DGCR6L: variants seen among roughly 807,000 people sequenced by gnomAD.
The protein encoded by DGCR6L is protein DGCR6L.
DGCR6L carries 24 observed loss-of-function variants against 31.1 expected under a neutral mutation model. The observed-to-expected ratio is 0.77, with a 90% CI of 0.56 to 1.08. The LOEUF (loss-of-function observed/expected upper bound fraction) is 1.08, where lower values mean the gene tolerates loss of function less well. DGCR6L is among the 50% of genes least tolerant of loss of function. The pLI, the probability that DGCR6L is intolerant of heterozygous loss-of-function variation, is 0.00. For synonymous variants in DGCR6L, 104 were observed against 126.1 expected, an observed-to-expected ratio of 0.82 and a Z score of 1.17; for missense variants, 218 against 287.1, an observed-to-expected ratio of 0.76 and a Z score of 1.74.
chr22:20,318,567 A>G (rs921653036), intron 2 of DGCR6L: 1 of 152,222 alleles, frequency 6.6e-6, no homozygotes, highest in African/African-American at 2.4e-5. Context: ...TTACTTATAA[A>G]GCAACAATTT....
intron 3 of DGCR6L, 139 bp downstream of exon 3, chr22:20,315,980 A>G: frequency 9.7e-7 from 1 of 1,031,324 alleles, no homozygotes; most frequent in Non-Finnish European, 1.4e-6. Flanking sequence ...GGGACTCACT[A>G]GGCCTCCAGT....
rs376734224 is a variant in DGCR6L, at chr22:20,319,917, C to T, written c.72G>A (p.Leu24=). The change falls in exon 1 of 5, where the codon TTG becomes TTA. Residue 24 remains leucine (L), a synonymous_variant. Transcript: ENST00000248879. ...GARQQERHYQ[L]LSALQSLVKE... is the part of the protein sequence containing the mutation. ...TCACCAGGCTCTGTAGCGCCGACAG[C>T]AACTGGTAGTGTCGCTCCTGCTGCC... The T allele has an allele frequency of 3.8e-5, 62 of 1,610,784 alleles. No homozygotes were observed. The highest frequency in any genetic ancestry group is 5.2e-5 in the Non-Finnish European group (61 of 1,179,208).
rs919636745 is a variant in DGCR6L at position 20,316,016 on chromosome 22, C to T, written c.372+103G>A. On this transcript the variant is annotated intron_variant, in intron 3 of 4. Transcript: ENST00000248879. ...GTCCCACTCAGGCCCAGGACAGCCA[C>T]CCATGCCTGAGCCCCCACACCCCTT... The T allele has an allele frequency of 2.9e-6, 4 of 1,383,096 alleles. No homozygotes were observed. In the South Asian group the frequency reaches 5.6e-5, roughly 19 times the overall value. 85.7% of individuals were successfully genotyped at this position (1,383,096 alleles called of 1,614,324 possible).
At chr22:20,318,017 T>C (rs543465203) in intron 2 of DGCR6L, 32 of 250,894 alleles carry the variant, frequency 1.3e-4, no homozygotes, top group Non-Finnish European at 2.1e-4. Flanking sequence ...ATGAAAACTA[T>C]AGACCACAGT....
intron 2 of DGCR6L, 54 bp downstream of exon 2, chr22:20,319,585 C>T: frequency 3.1e-6 from 5 of 1,592,104 alleles, no homozygotes; most frequent in Middle Eastern, 2.3e-4. Context: ...CCAAGAGCTG[C>T]CCGGAGGCGC....
At chr22:20,317,815 C>G (rs980377162) in intron 2 of DGCR6L, among the ~76,000 whole-genome samples, 1 of 152,228 alleles carries the variant, frequency 6.6e-6, no homozygotes, top group Non-Finnish European at 1.5e-5. Flanking sequence ...ATGAGCCATG[C>G]GCTTGGGATT....
intron 2 of DGCR6L, among the ~76,000 whole-genome samples, chr22:20,316,594 C>T (rs2051573017): frequency 6.9e-6 from 1 of 144,696 alleles, no homozygotes; most frequent in Non-Finnish European, 1.5e-5. Context: ...TGTCAGAGAC[C>T]ACCTCAGGCA....
intron 2 of DGCR6L, 124 bp downstream of exon 2, chr22:20,319,515 T>G: frequency 6.9e-7 from 1 of 1,447,646 alleles, no homozygotes; most frequent in South Asian, 1.4e-5. Flanking sequence ...CCCGTTGATT[T>G]TGTCAATCTT....
At chr22:20,315,542 G>A in intron 3 of DGCR6L, 66 bp from the exon 4 acceptor site, 1 of 1,572,940 alleles carries the variant, frequency 6.4e-7, no homozygotes, top group Non-Finnish European at 8.6e-7. Flanking sequence ...GGGCGGGGAG[G>A]TGAGGGCAGC....
chr22:20,315,260 G>A, intron 4 of DGCR6L, 76 bp downstream of exon 4: 1 of 1,553,810 alleles, frequency 6.4e-7, no homozygotes. Context: ...GGCTCCCCAG[G>A]GACCAGCAGT....
intron 4 of DGCR6L, 173 bp from the exon 5 acceptor site, chr22:20,314,997 T>G (rs2051561107): frequency 7.0e-7 from 1 of 1,418,592 alleles, no homozygotes; most frequent in East Asian, 2.5e-5. Flanking sequence ...CCACTCGGAA[T>G]CTGAGCCTCT....
chr22:20,317,557 C>T (rs545880055), intron 2 of DGCR6L, among the ~76,000 whole-genome samples: 2 of 152,284 alleles, frequency 1.3e-5, no homozygotes, highest in Non-Finnish European at 2.9e-5. Context: ...CCCAAACCTT[C>T]TGAAGCACAA....
chr22:20,320,004 T>C lies in DGCR6L; in HGVS notation c.-16A>G, dbSNP rs2146019857. 5 of 1,539,990 alleles carry C rather than the reference T, an allele frequency of 3.2e-6. No homozygotes were observed. The highest frequency in any genetic ancestry group is 4.4e-6 in the Non-Finnish European group (5 of 1,149,158). The stretch of plus-strand genomic sequence containing the variant: ...AGCGCTCCATGGCGCGGACGCCCGC[T>C]AGCCGCCGGCGGCGGCGACGAGCTC... On this transcript the variant is annotated 5_prime_UTR_variant, in exon 1 of 5. Transcript: ENST00000248879.
Position 20,314,726 on chromosome 22 carries a change from C to T in DGCR6L, c.612G>A (p.Trp204Ter), listed in dbSNP as rs1390542310. The change falls in exon 5 of 5, where the codon TGG (tryptophan) becomes TGA (stop). Residue 204 changes from tryptophan to a stop codon, truncating the protein, a stop_gained. Coordinates refer to ENST00000248879, the MANE Select transcript of DGCR6L (RefSeq NM_033257.4). LOFTEE classifies it high-confidence loss of function. ...GNAALGLGGP[W>*]QSPAAQCDQK... ...GGTCACACTGGGCAGCAGGCGACTG[C>T]CAGGGACCTCCCAGTCCCAGGGCTG... 1 of 1,611,640 alleles carries T rather than the reference C, an allele frequency of 6.2e-7. No homozygotes were observed. Among genetic ancestry groups the T allele is most frequent in the Non-Finnish European group, 8.5e-7 (1 of 1,179,428 alleles).
Position 20,316,201 on chromosome 22 carries a change from C to T in DGCR6L, c.290G>A (p.Arg97Gln), listed in dbSNP as rs559652218. The T allele has an allele frequency of 3.7e-5, 59 of 1,606,436 alleles. No homozygotes were observed. The East Asian group carries it at 7.8e-4, about 21-fold the overall frequency. ...CTGCTGGGCTTCCTGGTGCTTCTGC[C>T]GCAGCGCCTGCCTGAGCACTGGGAG... ...NEHRVLRQALRQKHQEAQQAC... is the reference protein window; with the variant it reads ...NEHRVLRQALQQKHQEAQQAC... Residue 97 changes from arginine (R) to glutamine (Q), a missense_variant, in exon 3 of 5, where the codon CGG (arginine) becomes CAG (glutamine). Coordinates refer to ENST00000248879, the MANE Select transcript of DGCR6L (RefSeq NM_033257.4).
rs752358018 is a variant in DGCR6L at position 20,314,653 on chromosome 22, C to A, written c.*22G>T. Reference sequence around the variant, plus strand: ...CCAAAGGTCAAGAAGATGAACTCTGCCCAGACTTCTGCTGCCTGTGGCTAT... The same window carrying A: ...CCAAAGGTCAAGAAGATGAACTCTGACCAGACTTCTGCTGCCTGTGGCTAT... On this transcript the variant is annotated 3_prime_UTR_variant, in exon 5 of 5. Coordinates refer to ENST00000248879, the MANE Select transcript of DGCR6L (RefSeq NM_033257.4). 16 of 1,570,926 alleles carry A rather than the reference C, an allele frequency of 1.0e-5. No homozygotes were observed. Among genetic ancestry groups the A allele is most frequent in the Non-Finnish European group, 1.4e-5 (16 of 1,155,144 alleles).
chr22:20,318,396 G>C (rs1186945562), intron 2 of DGCR6L: 1 of 152,220 alleles, frequency 6.6e-6, no homozygotes, highest in African/African-American at 2.4e-5. Context: ...TTAAATGCAA[G>C]AGGAAGCATT....
chr22:20,316,928 G>C (rs2051575637), intron 2 of DGCR6L, among the ~76,000 whole-genome samples: 1 of 152,238 alleles, frequency 6.6e-6, no homozygotes, highest in Non-Finnish European at 1.5e-5. Context: ...GGTCTGAAGG[G>C]AATGTACAGA....
At position 20,315,388 on chromosome 22, in the gene DGCR6L, C is replaced by T. The variant is rs573329481; in HGVS notation, c.461G>A (p.Ser154Asn). 7 of 1,613,992 alleles carry T rather than the reference C, an allele frequency of 4.3e-6. No individual in the cohort carries two copies. The African/African-American group carries it at 9.3e-5, about 22-fold the overall frequency. ...AGCCACCCCCGCCTTCTCCAGTGTG[C>T]TCTGCTGGTCAGCCACCTTCCGGTC... ...ELDRKVADQQ[S>N]TLEKAGVAGF... is the part of the protein sequence containing the mutation. Residue 154 changes from serine (S) to asparagine (N), a missense_variant, in exon 4 of 5, where the codon AGC becomes AAC. By Grantham distance (46) the Ser-to-Asn change is conservative. This residue lies in a region of DGCR6L where 58 missense variants were observed against 105.4 expected (regional missense o/e 0.55). Coordinates refer to ENST00000248879, the MANE Select transcript of DGCR6L (RefSeq NM_033257.4).
Sources: gnomAD v4.1 joint callset for allele counts (sites outside exome capture counted in the v4.1 genomes callset) on GRCh38, gnomAD v4.1.1 for gene constraint, gnomAD v4.1.1 regional missense constraint, MANE v1.5 for transcripts, NCBI Gene and HGNC (gene_info 2026-07-23, HGNC 2026-07-21) for gene names.